The following EPHA6 variants were observed in gnomAD, a reference collection of about 807,000 sequenced individuals.
EPHA6 encodes the protein ephrin type-A receptor 6.
In EPHA6, 50 loss-of-function variants were observed where a neutral mutation model predicts 112.0. The ratio of observed to expected loss-of-function variants is 0.45; its 90% CI spans 0.36 to 0.56. The LOEUF is 0.56. Ranked by LOEUF, EPHA6 falls within the 20% of genes least tolerant of loss-of-function variation. EPHA6 has a pLI of 0.00. For missense variants in EPHA6, 1,280 were observed against 1,417.4 expected (o/e 0.90, Z 1.56); for synonymous variants, 529 against 490.7 (o/e 1.08, Z -1.03).
chr3:96,943,283 A>T (rs1256213482), intron 2 of EPHA6, among the ~76,000 whole-genome samples: 1 of 152,104 alleles, frequency 6.6e-6, no homozygotes, highest in African/African-American at 2.4e-5. Flanking sequence ...AGGATTTTGT[A>T]TGTTCTCACC....
intron 2 of EPHA6, among the ~76,000 whole-genome samples, chr3:96,887,102 T>C (rs748324083): frequency 7.9e-5 from 12 of 152,192 alleles, no homozygotes; most frequent in Non-Finnish European, 1.2e-4. Context: ...GATTTCTTCT[T>C]GGTTTGGATC....
At position 97,640,463 on chromosome 3, in the gene EPHA6, T is replaced by C. The variant is rs1377575119; in HGVS notation, c.2784+2381T>C. Among the ~76,000 whole-genome samples the C allele has an allele frequency of 2.0e-5, 3 of 152,066 alleles. No homozygotes were observed. In the East Asian group the frequency reaches 5.8e-4, roughly 29 times the overall value. On this transcript the variant is annotated intron_variant, in intron 14 of 17. Transcript: ENST00000389672. The stretch of plus-strand genomic sequence containing the variant: ...ACAGGAAATAACAAACATAGACGCA[T>C]GTCTTAGAAGATATTATTGGGGCCG...
rs75786356 is a variant in EPHA6, at chr3:97,025,111, A to G, written c.1114+37118A>G. Among the ~76,000 whole-genome samples, 838 of 152,286 alleles carry G rather than the reference A, an allele frequency of 5.5e-3. 7 individuals are homozygous for G. Among genetic ancestry groups the G allele is most frequent in the African/African-American group, 0.02 (816 of 41,572 alleles). The stretch of plus-strand genomic sequence containing the variant: ...TCACAGGGCAAGCTGTTCAAGCACT[A>G]CAATATAGGAGAGAGAGCAATACCT... On this transcript the variant is annotated intron_variant, in intron 3 of 17. Transcript: ENST00000389672.
At chr3:97,525,906 A>C (rs144249839) in intron 10 of EPHA6, among the ~76,000 whole-genome samples, 1 of 152,132 alleles carries the variant, frequency 6.6e-6, no homozygotes, top group Admixed American at 6.6e-5. Context: ...TCCACGTGCA[A>C]TGATGGATAT....
At chr3:96,829,493 C>T (rs146124965) in intron 1 of EPHA6, among the ~76,000 whole-genome samples, 14 of 152,146 alleles carry the variant, frequency 9.2e-5, no homozygotes, top group African/African-American at 3.1e-4. Context: ...GTATAGAAAT[C>T]GCTGGATTAG....
At chr3:97,163,139 C>T (rs1421259856) in intron 3 of EPHA6, among the ~76,000 whole-genome samples, 1 of 152,028 alleles carries the variant, frequency 6.6e-6, no homozygotes, top group African/African-American at 2.4e-5. Context: ...AAAGGTATGT[C>T]TTCTGGACTC....
intron 5 of EPHA6, among the ~76,000 whole-genome samples, chr3:97,402,375 C>A (rs190149699): frequency 2.0e-5 from 3 of 152,006 alleles, no homozygotes; most frequent in Admixed American, 2.0e-4. Flanking sequence ...CTCTTGCTAA[C>A]CTGATTCTTT....
chr3:97,195,322 A>C (rs1173410273), intron 3 of EPHA6, among the ~76,000 whole-genome samples: 1 of 152,084 alleles, frequency 6.6e-6, no homozygotes, highest in Non-Finnish European at 1.5e-5. Flanking sequence ...AACTGATGAC[A>C]ACTTAACATT....
chr3:97,646,136 C>A, intron 14 of EPHA6: 1 of 1,528,340 alleles, frequency 6.5e-7, no homozygotes, highest in Non-Finnish European at 8.7e-7. Context: ...CAAATCACAA[C>A]AAAGAGCAAT....
chr3:97,128,101 G>A (rs1397127837), intron 3 of EPHA6, among the ~76,000 whole-genome samples: 2 of 152,050 alleles, frequency 1.3e-5, no homozygotes, highest in East Asian at 1.9e-4. Context: ...ACAAGTGAGA[G>A]CATGCAGTAT....
At position 97,598,722 on chromosome 3, in the gene EPHA6, A is replaced by G. The variant is rs1165438038; in HGVS notation, c.2512+5985A>G. ...GCTATTGTGAATAATGCCGCAATAAACATACGTGTGCATGTGTCTTTATAG... is the reference window on the plus strand; with the variant it reads ...GCTATTGTGAATAATGCCGCAATAAGCATACGTGTGCATGTGTCTTTATAG... On this transcript the variant is annotated intron_variant, in intron 12 of 17. Coordinates refer to ENST00000389672, the MANE Select transcript of EPHA6 (RefSeq NM_001080448.3). 2.4e-3 allele frequency among the ~76,000 whole-genome samples: 365 copies of G among 151,332 alleles called. 2 individuals are homozygous for G. The highest frequency in any genetic ancestry group is 8.5e-3 in the African/African-American group (352 of 41,338).
rs188083467 is a variant in EPHA6, at chr3:97,427,690, A to T, written c.1732-20878A>T. ...GCACATGTATCCTTAAAGTAAAATT[A>T]AAAAAAAAATGTGGTACATATACAC... On this transcript the variant is annotated intron_variant, in intron 6 of 17. Transcript: ENST00000389672. Among the ~76,000 whole-genome samples the T allele has an allele frequency of 4.3e-3, 639 of 150,302 alleles. 5 individuals are homozygous for T. The highest frequency in any genetic ancestry group is 0.014 in the African/African-American group (571 of 41,042).
intron 14 of EPHA6, among the ~76,000 whole-genome samples, chr3:97,665,575 G>C (rs1362999469): frequency 6.6e-6 from 1 of 151,996 alleles, no homozygotes; most frequent in Non-Finnish European, 1.5e-5. Flanking sequence ...TTTATAGAAG[G>C]GTCATGTATC....
intron 10 of EPHA6, among the ~76,000 whole-genome samples, chr3:97,531,783 C>T (rs923602919): frequency 2.6e-5 from 4 of 152,048 alleles, no homozygotes; most frequent in African/African-American, 9.7e-5. Flanking sequence ...TGAAACATAT[C>T]TCATCTTCCT....
rs576712288 is a variant in EPHA6, at chr3:97,297,264, A to G, written c.1606+52977A>G. ...AGCTGCCTCATTTTCCTCCCCTTCCATGCTTCAGGTATTTCCTGTCATGTT... is the reference window on the plus strand; with the variant it reads ...AGCTGCCTCATTTTCCTCCCCTTCCGTGCTTCAGGTATTTCCTGTCATGTT... On this transcript the variant is annotated intron_variant, in intron 5 of 17. Coordinates refer to ENST00000389672, the MANE Select transcript of EPHA6 (RefSeq NM_001080448.3). 2.6e-5 allele frequency among the ~76,000 whole-genome samples: 4 copies of G among 152,104 alleles called. No homozygotes were observed. In the South Asian group the frequency reaches 6.2e-4, roughly 24 times the overall value.
chr3:97,265,973 T>A (rs2079668496), intron 5 of EPHA6, among the ~76,000 whole-genome samples: 1 of 152,252 alleles, frequency 6.6e-6, no homozygotes, highest in Non-Finnish European at 1.5e-5. Context: ...CTGCCCTAGA[T>A]AACACCTTAT....
chr3:97,041,410 C>T (rs1208633444), intron 3 of EPHA6, among the ~76,000 whole-genome samples: 1 of 151,978 alleles, frequency 6.6e-6, no homozygotes, highest in Admixed American at 6.6e-5. Context: ...GCACTGACTG[C>T]TGTCTTGTAA....
intron 3 of EPHA6, among the ~76,000 whole-genome samples, chr3:97,054,118 A>T (rs1366431695): frequency 6.6e-6 from 1 of 151,828 alleles, no homozygotes; most frequent in Admixed American, 6.6e-5. Flanking sequence ...AGCAAGTGCA[A>T]AAAGCATGTT....
chr3:97,736,014 G>T lies in EPHA6; in HGVS notation c.3024G>T (p.Gln1008His), dbSNP rs1361473094. ...ACCAGCTGATGCTCCACTGCTGGCA[G>T]AAGGAGAGAAATCACAGACCAAAAT... ...SLHQLMLHCW[Q>H]KERNHRPKFT... Residue 1008 changes from glutamine (Q) to histidine (H), a missense_variant, in exon 16 of 18, where the codon CAG becomes CAT. Physicochemically the swap from Gln to His is conservative, Grantham distance 24. Transcript: ENST00000389672. 2 of 1,612,716 alleles carry T rather than the reference G, an allele frequency of 1.2e-6. No homozygotes were observed. The highest frequency in any genetic ancestry group is 2.7e-5 in the African/African-American group (2 of 74,918).
Sources: allele counts gnomAD v4.1 joint callset (sites outside exome capture counted in the v4.1 genomes callset), GRCh38; gene constraint gnomAD v4.1.1; transcripts MANE v1.5; gene names NCBI Gene and HGNC (gene_info 2026-07-23, HGNC 2026-07-21).